LRP4: variants seen among roughly 807,000 people sequenced by gnomAD.
The protein encoded by LRP4 is LDL receptor related protein 4, also known as low-density lipoprotein receptor-related protein 4.
In LRP4, 95 loss-of-function variants were observed where a neutral mutation model predicts 220.3. That is an observed-to-expected ratio of 0.43 (90% CI 0.37 to 0.51). The LOEUF (loss-of-function observed/expected upper bound fraction) is 0.51, where lower values mean the gene tolerates loss of function less well. Ranked by LOEUF, LRP4 falls within the 20% of genes least tolerant of loss-of-function variation. LRP4 has a pLI of 0.00. For missense variants in LRP4, 1,925 were observed against 2,567.0 expected (o/e 0.75, Z 5.40); for synonymous variants, 903 against 954.6 (o/e 0.95, Z 1.00).
At chr11:46,876,371 A>G in intron 25 of LRP4, 95 bp downstream of exon 25, 1 of 1,465,036 alleles carries the variant, frequency 6.8e-7, no homozygotes. Flanking sequence ...TGTTTCTGTG[A>G]TGCAAGCTTC....
chr11:46,897,992 C>T (rs1356859230), intron 7 of LRP4, among the ~76,000 whole-genome samples: 9 of 131,582 alleles, frequency 6.8e-5, no homozygotes, highest in African/African-American at 2.3e-4. Context: ...GGCGGCTGGC[C>T]GGGCGGGGGG....
intron 22 of LRP4, 145 bp downstream of exon 22, chr11:46,878,762 A>G: frequency 5.6e-6 from 7 of 1,245,410 alleles, no homozygotes; most frequent in Non-Finnish European, 8.1e-6. Context: ...CCTTTTCTAA[A>G]AGCCGTGAGT....
Position 46,883,985 on chromosome 11 carries a change from A to G in LRP4, c.2507-9T>C. On this transcript the variant is annotated splice_polypyrimidine_tract_variant and intron_variant, in intron 18 of 37. Transcript: ENST00000378623. ...TTCAATCCGGTCTGTACCTATCAAG[A>G]AGGGATACAGAGATTAATTCTAGTC... 1 of 1,600,552 alleles carries G rather than the reference A, an allele frequency of 6.2e-7. No homozygotes were observed. Among genetic ancestry groups the G allele is most frequent in the Non-Finnish European group, 8.6e-7 (1 of 1,167,594 alleles).
intron 23 of LRP4, 48 bp from the exon 24 acceptor site, chr11:46,876,878 G>T: frequency 7.3e-7 from 1 of 1,374,868 alleles, no homozygotes; most frequent in Non-Finnish European, 1.0e-6. Context: ...CGCCTACAAT[G>T]GGACACACAC....
intron 16 of LRP4, among the ~76,000 whole-genome samples, chr11:46,889,124 G>T (rs945784128): frequency 6.6e-6 from 1 of 152,224 alleles, no homozygotes; most frequent in Admixed American, 6.5e-5. Flanking sequence ...AAACCCTCTT[G>T]CTGCCTATAG....
In LRP4 at chr11:46,873,608, AG is replaced by A; in HGVS notation, c.4230-16del. ...GGTCTGCTCGCCTTGGGGAGAGCCC[AG>A]TGTTGGATGAGCAACCAGACTGACC... On this transcript the variant is annotated splice_polypyrimidine_tract_variant and intron_variant, in intron 28 of 37. Transcript: ENST00000378623. The surrounding 1 kb of genome is among the most constrained non-coding windows in gnomAD (Gnocchi z 4.2). 1 of 1,606,172 alleles carries A rather than the reference AG, an allele frequency of 6.2e-7. No individual in the cohort carries two copies. The highest frequency in any genetic ancestry group is 8.5e-7 in the Non-Finnish European group (1 of 1,173,978).
At chr11:46,886,025 G>C in intron 18 of LRP4, 66 bp downstream of exon 18, 1 of 1,370,586 alleles carries the variant, frequency 7.3e-7, no homozygotes, top group South Asian at 1.2e-5. Context: ...CCTTCTATCT[G>C]AGGCCAGGGT....
chr11:46,875,342 G>C lies in LRP4; in HGVS notation c.3925+114C>G, dbSNP rs1193705102. On this transcript the variant is annotated intron_variant, in intron 27 of 37. Coordinates refer to ENST00000378623, the MANE Select transcript of LRP4 (RefSeq NM_002334.4). The surrounding 1 kb of genome is among the most constrained non-coding windows in gnomAD (Gnocchi z 4.5). The stretch of plus-strand genomic sequence containing the variant: ...CCAATCTGGAAGGGAGCTTAAACAG[G>C]TCACCGTCTTTCTGGCTGTAAAGGA... The C allele has an allele frequency of 3.9e-6, 4 of 1,030,848 alleles. No homozygotes were observed. The highest frequency in any genetic ancestry group is 1.6e-5 in the African/African-American group (1 of 63,386). The allele number at this position is 1,030,848 out of a possible 1,614,324, so 63.9% of individuals were successfully genotyped here.
At chr11:46,867,458 T>TTTTGC (rs1940734315) in intron 34 of LRP4, among the ~76,000 whole-genome samples, 1 of 151,964 alleles carries the variant, frequency 6.6e-6, no homozygotes, top group African/African-American at 2.4e-5. Flanking sequence ...TGTTGTTTTA[T>TTTTGC]TTTGTTTTGT....
Position 46,862,650 on chromosome 11 carries a change from T to C in LRP4, c.5341A>G (p.Ile1781Val), listed in dbSNP as rs1177885758. 1 of 1,614,052 alleles carries C rather than the reference T, an allele frequency of 6.2e-7. No individual in the cohort carries two copies. The highest frequency in any genetic ancestry group is 1.7e-5 in the Admixed American group (1 of 60,008). ...TGGTTGTACATGGCTGGTTTGGGGA[T>C]TGCTTCAATCTTCACTTCCTGTGTG... ...TSTQEVKIEA[I>V]PKPAMYNQLC... is the part of the protein sequence containing the mutation. The change falls in exon 37 of 38, where the codon ATC becomes GTC. Residue 1781 changes from isoleucine to valine, a missense_variant. Coordinates refer to ENST00000378623, the MANE Select transcript of LRP4 (RefSeq NM_002334.4).
At chr11:46,859,631 G>A (rs928376900) in intron 37 of LRP4, among the ~76,000 whole-genome samples, 9 of 152,094 alleles carry the variant, frequency 5.9e-5, no homozygotes, top group Admixed American at 2.6e-4. Flanking sequence ...TTAAGACTCT[G>A]CAGTGTGAGG....
intron 16 of LRP4, 70 bp from the exon 17 acceptor site, chr11:46,886,603 C>A: frequency 7.6e-7 from 1 of 1,308,122 alleles, no homozygotes; most frequent in South Asian, 1.2e-5. Flanking sequence ...CACAGACGCT[C>A]ACCTGCGTGA....
intron 36 of LRP4, 31 bp downstream of exon 36, chr11:46,864,417 C>T (rs749061871): frequency 1.0e-5 from 15 of 1,476,942 alleles, no homozygotes; most frequent in Non-Finnish European, 1.4e-5. Context: ...GACCAATGAG[C>T]ATGTGGCCCC....
At position 46,893,574 on chromosome 11, in the gene LRP4, T is replaced by C. The variant is rs117382874; in HGVS notation, c.1541-445A>G. ...CACCTATTTGTAAAATAGCCTGAGA[T>C]TGACAAGTGAGCTGTTTCTGTGGTT... On this transcript the variant is annotated intron_variant, in intron 12 of 37. Transcript: ENST00000378623. 2.2e-4 allele frequency among the ~76,000 whole-genome samples: 34 copies of C among 152,312 alleles called. No individual in the cohort carries two copies. The East Asian group carries it at 6.4e-3, about 28-fold the overall frequency.
At chr11:46,866,185 GACA>G (rs1179521816) in intron 34 of LRP4, among the ~76,000 whole-genome samples, 1 of 151,408 alleles carries the variant, frequency 6.6e-6, no homozygotes, top group Non-Finnish European at 1.5e-5. Flanking sequence ...AGAAAAGATA[GACA>G]TCAAAACATT....
chr11:46,892,474 A>T (rs1007340072), intron 13 of LRP4, among the ~76,000 whole-genome samples: 9 of 152,126 alleles, frequency 5.9e-5, no homozygotes, highest in Non-Finnish European at 1.0e-4. Flanking sequence ...AGGCAGACAG[A>T]GATTAACTGG....
chr11:46,878,953 G>T lies in LRP4; in HGVS notation c.3090C>A (p.Cys1030Ter). 1 of 1,614,248 alleles carries T rather than the reference G, an allele frequency of 6.2e-7. No homozygotes were observed. The highest frequency in any genetic ancestry group is 8.5e-7 in the Non-Finnish European group (1 of 1,180,050). Residue 1030 changes from cysteine to a stop codon, truncating the protein, a stop_gained, in exon 22 of 38, where the codon TGC becomes TGA. Coordinates refer to ENST00000378623, the MANE Select transcript of LRP4 (RefSeq NM_002334.4). LOFTEE classifies it high-confidence loss of function. ...CAGACAGCAGGTTGATGCCTGTGGG[G>T]CAGGTACAGCTGAATCCGCTTGGAT... ...SPNPSGFSCTCPTGINLLSDG... is the reference protein window; with the variant it reads ...SPNPSGFSCT
chr11:46,910,014 C>T (rs1282888835), intron 1 of LRP4, among the ~76,000 whole-genome samples: 12 of 152,146 alleles, frequency 7.9e-5, no homozygotes, highest in Non-Finnish European at 1.6e-4. Context: ...CCTTTTATTC[C>T]CGATTCCTAG....
rs1289669018 is a variant in LRP4 at position 46,898,613 on chromosome 11, G to A, written c.741C>T (p.Gly247=). 2 of 1,614,130 alleles carry A rather than the reference G, an allele frequency of 1.2e-6. No homozygotes were observed. Among genetic ancestry groups the A allele is most frequent in the Admixed American group, 3.3e-5 (2 of 60,022 alleles). ...AGTCCGCGTCACCATCGCAGCGCCA[G>A]CCTGCATTGATGCACAGGCCACTGT... The part of the protein sequence containing the change: ...MCDSGLCINA[G]WRCDGDADCD... Residue 247 remains glycine, a synonymous_variant, in exon 7 of 38, where the codon GGC becomes GGT. Coordinates refer to ENST00000378623, the MANE Select transcript of LRP4 (RefSeq NM_002334.4).
Sources: gnomAD v4.1 joint callset for allele counts (sites outside exome capture counted in the v4.1 genomes callset) on GRCh38, gnomAD v4.1.1 for gene constraint, Gnocchi (gnomAD v3.1) non-coding constraint, MANE v1.5 for transcripts, NCBI Gene and HGNC (gene_info 2026-07-23, HGNC 2026-07-21) for gene names.